PFKFB2: variants seen among roughly 807,000 people sequenced by gnomAD.
PFKFB2 encodes 6-phosphofructo-2-kinase/fructose-2,6-biphosphatase 2, also known as 6-phosphofructo-2-kinase/fructose-2,6-bisphosphatase 2.
Under a neutral mutation model 68.0 loss-of-function variants are expected in PFKFB2, and 53 were observed. That is an observed-to-expected ratio of 0.78 (90% CI 0.63 to 0.98). The LOEUF (loss-of-function observed/expected upper bound fraction) is 0.98. Among genes scored for constraint, PFKFB2 ranks in the 50% least tolerant of loss-of-function variants. PFKFB2 has a pLI of 0.00. For synonymous variants in PFKFB2, 222 were observed against 227.6 expected, an observed-to-expected ratio of 0.98 and a Z score of 0.22; for missense variants, 451 against 642.0, an observed-to-expected ratio of 0.70 and a Z score of 3.22.
At position 207,077,798 on chromosome 1, in the gene PFKFB2, T is replaced by C. The variant is rs1683671333; in HGVS notation, c.*5427T>C. The C allele has an allele frequency of 1.0e-6, 1 of 985,786 alleles. No individual in the cohort carries two copies. Among genetic ancestry groups the C allele is most frequent in the Non-Finnish European group, 1.2e-6 (1 of 829,882 alleles). The allele number at this position is 985,786 out of a possible 1,614,324, so 61.1% of individuals were successfully genotyped here. ...TGTGTGTAGAATGGGTAAATAAAAT[T>C]GTTGAGTAACTTGAACCTATCAGAA... On this transcript the variant is annotated 3_prime_UTR_variant, in exon 15 of 15. Transcript: ENST00000367080.
At chr1:207,049,162 T>G, upstream of PFKFB2, 1 of 1,614,142 alleles carries the variant, frequency 6.2e-7, no homozygotes, top group Non-Finnish European at 8.5e-7. Flanking sequence ...TCTAGCTTCA[T>G]CTGCTAATTC....
chr1:207,049,215 G>T (rs115166198), upstream of PFKFB2: 1 of 1,614,074 alleles, frequency 6.2e-7, no homozygotes, highest in Admixed American at 1.7e-5. Flanking sequence ...AGGAGAAAAT[G>T]GTCAGAGGAG....
upstream of PFKFB2, among the ~76,000 whole-genome samples, chr1:207,050,057 AGGCCGC>A (rs749813225): frequency 7.2e-5 from 11 of 152,240 alleles, no homozygotes; most frequent in Non-Finnish European, 1.6e-4. Flanking sequence ...ACTACAGAGT[AGGCCGC>A]TAGGGGGTTC....
Position 207,070,406 on chromosome 1 carries a change from G to A in PFKFB2, c.1219G>A (p.Ala407Thr). The A allele has an allele frequency of 6.2e-7, 1 of 1,613,622 alleles. No individual in the cohort carries two copies. Among genetic ancestry groups the A allele is most frequent in the Non-Finnish European group, 8.5e-7 (1 of 1,179,812 alleles). ...CLLAYFLDKG[A>T]DELPYLRCPL... is the part of the protein sequence containing the mutation. ...CCTGGCCTACTTCTTGGATAAGGGCGCAGGTGCCTTTGAGGGAGGGGCTGG... is the reference window on the plus strand; with the variant it reads ...CCTGGCCTACTTCTTGGATAAGGGCACAGGTGCCTTTGAGGGAGGGGCTGG... The change falls in exon 12 of 15, where the codon GCA becomes ACA. Residue 407 changes from alanine (A) to threonine (T), a missense_variant. By Grantham distance (58) the Ala-to-Thr change is moderately conservative (BLOSUM62 0). Coordinates refer to ENST00000367080, the MANE Select transcript of PFKFB2 (RefSeq NM_006212.2). This position sits in a 1 kb window ranked among gnomAD's most constrained non-coding sequence, Gnocchi z 4.2.
chr1:207,062,975 T>C (rs1683162496), intron 4 of PFKFB2, among the ~76,000 whole-genome samples, 168 bp from the exon 5 acceptor site: 1 of 152,226 alleles, frequency 6.6e-6, no homozygotes. Context: ...GGTTATAGGA[T>C]GGTGTGAAAA....
chr1:207,057,340 T>C (rs1226755870), intron 2 of PFKFB2, among the ~76,000 whole-genome samples: 1 of 124,194 alleles, frequency 8.1e-6, no homozygotes, highest in Non-Finnish European at 1.7e-5. Context: ...TAGCCGGGCA[T>C]GGTGGCGGGC....
rs887234811 is a variant in PFKFB2, at chr1:207,076,736, C to T, written c.*4365C>T. On this transcript the variant is annotated 3_prime_UTR_variant, in exon 15 of 15. Coordinates refer to ENST00000367080, the MANE Select transcript of PFKFB2 (RefSeq NM_006212.2). ...AGGAGGATCTGTGTGCTGATTGACT[C>T]TAGTAGGATCTGTTTGTCACTGACA... 32 of 961,272 alleles carry T rather than the reference C, an allele frequency of 3.3e-5. No homozygotes were observed. Among genetic ancestry groups the T allele is most frequent in the Middle Eastern group, 5.3e-4 (1 of 1,892 alleles). The allele number at this position is 961,272 out of a possible 1,614,324, so 59.5% of individuals were successfully genotyped here.
At chr1:207,071,042 G>A (rs945427897) in intron 12 of PFKFB2, 146 bp from the exon 13 acceptor site, 75 of 663,532 alleles carry the variant, frequency 1.1e-4, no homozygotes, top group Non-Finnish European at 1.8e-4. Flanking sequence ...TTTGTGGTCT[G>A]GGGTTTAAGG....
In PFKFB2 at chr1:207,076,665, A is replaced by G; in HGVS notation, c.*4294A>G. The G allele has an allele frequency of 1.0e-6, 1 of 983,488 alleles. No homozygotes were observed. Among genetic ancestry groups the G allele is most frequent in the Middle Eastern group, 5.2e-4 (1 of 1,910 alleles). The allele number at this position is 983,488 out of a possible 1,614,324, so 60.9% of individuals were successfully genotyped here. On this transcript the variant is annotated 3_prime_UTR_variant, in exon 15 of 15. Coordinates refer to ENST00000367080, the MANE Select transcript of PFKFB2 (RefSeq NM_006212.2). ...GACAGACTTTAGTGTCTGTGTGCTG[A>G]CTGACAGACTCTAGTAGTGTCTATA...
At chr1:207,059,866 T>A (rs1309743514) in intron 2 of PFKFB2, among the ~76,000 whole-genome samples, 2 of 152,254 alleles carry the variant, frequency 1.3e-5, no homozygotes, top group Non-Finnish European at 2.9e-5. Flanking sequence ...TACCTCCATT[T>A]TACAGAACTG....
rs78975419 is a variant in PFKFB2 at position 207,070,707 on chromosome 1, C to T, written c.1222+298C>T. On this transcript the variant is annotated intron_variant, in intron 12 of 14. Transcript: ENST00000367080. The surrounding 1 kb of genome is among the most constrained non-coding windows in gnomAD (Gnocchi z 4.2). ...CATCAGGACAGTGGTTGAATATTCC[C>T]AGCCTGCCACGCTGCCTACTAGGAG... 2,361 of 334,818 alleles carry T rather than the reference C, an allele frequency of 7.1e-3. 57 individuals carry two copies. The highest frequency in any genetic ancestry group is 0.048 in the African/African-American group (2,207 of 46,048). The allele number at this position is 334,818 out of a possible 1,614,324, so 20.7% of individuals were successfully genotyped here.
Position 207,071,567 on chromosome 1 carries a change from G to C in PFKFB2, c.1344G>C (p.Lys448Asn). Reference protein sequence around the residue: ...NVEAVNTHRDKPTNNFPKNQT... With the variant: ...NVEAVNTHRDNPTNNFPKNQT... ...AGGCTGTGAACACGCACCGTGACAA[G>C]CCAACTGTAAGTATTTTCCCACGAT... Residue 448 changes from lysine to asparagine, a missense_variant, in exon 14 of 15, where the codon AAG (lysine) becomes AAC (asparagine). By Grantham distance (94) the Lys-to-Asn change is moderately conservative. Transcript: ENST00000367080. 1 of 1,612,762 alleles carries C rather than the reference G, an allele frequency of 6.2e-7. No homozygotes were observed. The highest frequency in any genetic ancestry group is 8.5e-7 in the Non-Finnish European group (1 of 1,178,786).
upstream of PFKFB2, chr1:207,050,549 T>A (rs1368583710): frequency 3.6e-6 from 4 of 1,115,822 alleles, no homozygotes; most frequent in Non-Finnish European, 5.0e-6. Context: ...CATTCTCTGT[T>A]CTTTGATCTA....
downstream of PFKFB2, chr1:207,080,845 G>C (rs1393308218): frequency 6.6e-6 from 1 of 151,948 alleles, no homozygotes; most frequent in African/African-American, 2.4e-5. Flanking sequence ...CGATGTTAAG[G>C]GACAGTGAAT....
In PFKFB2 at chr1:207,076,791, T is replaced by C. The variant is rs957359609; in HGVS notation, c.*4420T>C. On this transcript the variant is annotated 3_prime_UTR_variant, in exon 15 of 15. Transcript: ENST00000367080. ...GTAGTAGTGTCTGTGTGCTGACTGATAGATAGACTATAGTAAAATTTGGGT... is the reference window on the plus strand; with the variant it reads ...GTAGTAGTGTCTGTGTGCTGACTGACAGATAGACTATAGTAAAATTTGGGT... The C allele has an allele frequency of 1.0e-6, 1 of 982,208 alleles. No individual in the cohort carries two copies. The highest frequency in any genetic ancestry group is 1.2e-6 in the Non-Finnish European group (1 of 828,688). 60.8% of individuals were successfully genotyped at this position (982,208 alleles called of 1,614,324 possible).
chr1:207,063,643 G>T lies in PFKFB2; in HGVS notation c.451-130G>T. ...GGGCTGTGGTAAGAGCTATGAGGAGGACTTGAGGGCCACTTTCATGAAGAA... is the reference window on the plus strand; with the variant it reads ...GGGCTGTGGTAAGAGCTATGAGGAGTACTTGAGGGCCACTTTCATGAAGAA... On this transcript the variant is annotated intron_variant, in intron 6 of 14. Coordinates refer to ENST00000367080, the MANE Select transcript of PFKFB2 (RefSeq NM_006212.2). The surrounding 1 kb of genome is among the most constrained non-coding windows in gnomAD (Gnocchi z 4.1). The T allele has an allele frequency of 3.6e-6, 3 of 834,824 alleles. No homozygotes were observed. The highest frequency in any genetic ancestry group is 4.2e-6 in the Non-Finnish European group (2 of 479,604). The allele number at this position is 834,824 out of a possible 1,614,324, so 51.7% of individuals were successfully genotyped here. A position where few individuals can be genotyped will look rare whatever the true frequency, so the allele number is the denominator to read the frequency against.
At chr1:207,062,222 C>A in intron 3 of PFKFB2, 144 bp downstream of exon 3, 1 of 1,163,612 alleles carries the variant, frequency 8.6e-7, no homozygotes, top group Non-Finnish European at 1.2e-6. Context: ...TGGAGTTATT[C>A]TCTATTCCCA....
At chr1:207,049,073 C>T (rs777531418), upstream of PFKFB2, 22 of 1,613,874 alleles carry the variant, frequency 1.4e-5, no homozygotes, top group Non-Finnish European at 1.8e-5. Flanking sequence ...TCCCTTGCTT[C>T]TGCTTGTCCA....
intron 2 of PFKFB2, chr1:207,045,399 C>A (rs1682574973): frequency 6.6e-6 from 1 of 152,496 alleles, no homozygotes; most frequent in Non-Finnish European, 1.5e-5. Context: ...ACACTCTACA[C>A]TGATGGCAAT....
Sources: gnomAD v4.1 joint callset for allele counts (sites outside exome capture counted in the v4.1 genomes callset) on GRCh38, gnomAD v4.1.1 for gene constraint, Gnocchi (gnomAD v3.1) non-coding constraint, MANE v1.5 for transcripts, NCBI Gene and HGNC (gene_info 2026-07-23, HGNC 2026-07-21) for gene names.